Variants in IMMP2L observed in about 807,000 individuals in gnomAD.
IMMP2L encodes the protein inner mitochondrial membrane peptidase subunit 2.
Under a neutral mutation model 19.3 loss-of-function variants are expected in IMMP2L, and 18 were observed. That is an observed-to-expected ratio of 0.93 (90% CI 0.64 to 1.38). IMMP2L has a LOEUF of 1.38. Among genes scored for constraint, IMMP2L ranks in the 40% most tolerant of loss-of-function variants. The pLI is 0.00. For synonymous variants in IMMP2L, 76 were observed against 73.0 expected (o/e 1.04, Z -0.21); for missense variants, 233 against 218.2 (o/e 1.07, Z -0.43).
At chr7:111,325,888 C>T (rs1825269880) in intron 3 of IMMP2L, among the ~76,000 whole-genome samples, 1 of 151,512 alleles carries the variant, frequency 6.6e-6, no homozygotes. Flanking sequence ...GAGGTTGAAC[C>T]CCTCATGAAA....
chr7:111,239,626 A>G (rs1814760486), intron 3 of IMMP2L, among the ~76,000 whole-genome samples: 1 of 151,926 alleles, frequency 6.6e-6, no homozygotes, highest in Admixed American at 6.6e-5. Flanking sequence ...ATTCTTTGTA[A>G]TCTCTTTATC....
At chr7:111,294,140 G>A (rs1347034887) in intron 3 of IMMP2L, among the ~76,000 whole-genome samples, 1 of 151,866 alleles carries the variant, frequency 6.6e-6, no homozygotes, top group Non-Finnish European at 1.5e-5. Context: ...CTTTACAGAT[G>A]AAGAAACTTA....
intron 3 of IMMP2L, among the ~76,000 whole-genome samples, chr7:111,420,531 T>C (rs1264729006): frequency 6.6e-6 from 1 of 151,662 alleles, no homozygotes; most frequent in African/African-American, 2.4e-5. Context: ...ACATTAGGTA[T>C]TTCTCCTAAC....
At chr7:111,522,175 T>C (rs1407486559) in intron 1 of IMMP2L, among the ~76,000 whole-genome samples, 1 of 152,104 alleles carries the variant, frequency 6.6e-6, no homozygotes. Flanking sequence ...GCGCTGTTTG[T>C]GGTGGCAGTG....
At chr7:110,962,871 T>G (rs1819113579) in intron 4 of IMMP2L, 1 of 1,319,104 alleles carries the variant, frequency 7.6e-7, no homozygotes, top group South Asian at 2.4e-5. Flanking sequence ...TGGCTACAAC[T>G]TGTTTAAAGA....
chr7:111,255,770 T>C (rs1816629825), intron 3 of IMMP2L, among the ~76,000 whole-genome samples: 1 of 152,042 alleles, frequency 6.6e-6, no homozygotes, highest in African/African-American at 2.4e-5. Flanking sequence ...TAACACAAGC[T>C]TTCTTGGAAC....
intron 5 of IMMP2L, among the ~76,000 whole-genome samples, chr7:110,753,264 A>G (rs1217940378): frequency 6.6e-6 from 1 of 152,058 alleles, no homozygotes; most frequent in Non-Finnish European, 1.5e-5. Flanking sequence ...CTACTTAAAT[A>G]GAAGACTCTA....
chr7:111,127,553 A>G (rs539654726), intron 3 of IMMP2L, among the ~76,000 whole-genome samples: 1 of 152,288 alleles, frequency 6.6e-6, no homozygotes, highest in South Asian at 2.1e-4. Context: ...TTAAATTTTA[A>G]TATAAATTTC....
At chr7:111,220,717 A>G (rs748135239) in intron 3 of IMMP2L, among the ~76,000 whole-genome samples, 2 of 151,954 alleles carry the variant, frequency 1.3e-5, no homozygotes, top group African/African-American at 2.4e-5. Context: ...TCATGGAAGT[A>G]AAGTCCCATA....
At chr7:111,415,774 C>T (rs1399015047) in intron 3 of IMMP2L, among the ~76,000 whole-genome samples, 1 of 151,532 alleles carries the variant, frequency 6.6e-6, no homozygotes, top group Non-Finnish European at 1.5e-5. Flanking sequence ...ATAAAATTCT[C>T]AATTTCAAAG....
At chr7:110,919,514 G>T (rs1408009752) in intron 4 of IMMP2L, among the ~76,000 whole-genome samples, 1 of 152,138 alleles carries the variant, frequency 6.6e-6, no homozygotes, top group East Asian at 1.9e-4. Flanking sequence ...ATGGAGCAAT[G>T]CGGGTATGCT....
intron 3 of IMMP2L, among the ~76,000 whole-genome samples, chr7:111,142,021 C>A (rs1448412577): frequency 1.3e-5 from 2 of 152,064 alleles, no homozygotes; most frequent in African/African-American, 4.8e-5. Flanking sequence ...TTCAATTTTG[C>A]ATACATGAAA....
chr7:111,192,954 T>G (rs1227919991), intron 3 of IMMP2L, among the ~76,000 whole-genome samples: 1 of 150,742 alleles, frequency 6.6e-6, no homozygotes, highest in Non-Finnish European at 1.5e-5. Flanking sequence ...CTGAGGAGAG[T>G]TTGAGTTGGG....
intron 3 of IMMP2L, among the ~76,000 whole-genome samples, chr7:111,008,856 G>T (rs1824598507): frequency 6.6e-6 from 1 of 152,046 alleles, no homozygotes; most frequent in South Asian, 2.1e-4. Flanking sequence ...GAGTTATAAA[G>T]AATGAATTAG....
intron 3 of IMMP2L, among the ~76,000 whole-genome samples, chr7:111,369,747 A>T (rs1428148420): frequency 6.6e-6 from 1 of 151,994 alleles, no homozygotes. Context: ...AAAAGCAATG[A>T]GACTTTGTTC....
chr7:110,814,998 TACA>T lies in IMMP2L; in HGVS notation c.408+71592_408+71594del, dbSNP rs1416873709. Among the ~76,000 whole-genome samples the T allele has an allele frequency of 3.3e-5, 5 of 151,966 alleles. No homozygotes were observed. In the South Asian group the frequency reaches 1.0e-3, roughly 31 times the overall value. ...CAAGCCTCGTAAAACCACACTGAAC[TACA>T]ACGTCTTAACTGTGAGATGCCGAGA... is the stretch of plus-strand genomic sequence containing the variant. On this transcript the variant is annotated intron_variant, in intron 5 of 5. Coordinates refer to ENST00000405709, the MANE Select transcript of IMMP2L (RefSeq NM_032549.4).
intron 4 of IMMP2L, among the ~76,000 whole-genome samples, chr7:110,940,017 G>A (rs1237367686): frequency 6.6e-6 from 1 of 152,106 alleles, no homozygotes; most frequent in African/African-American, 2.4e-5. Flanking sequence ...AGATATCACA[G>A]TGGGATAACC....
At chr7:111,104,265 T>C (rs956599659) in intron 3 of IMMP2L, among the ~76,000 whole-genome samples, 1 of 151,716 alleles carries the variant, frequency 6.6e-6, no homozygotes, top group Non-Finnish European at 1.5e-5. Flanking sequence ...AGTCATATGA[T>C]TTTCCTTCTC....
chr7:110,910,986 G>GA (rs1813001834), intron 4 of IMMP2L, among the ~76,000 whole-genome samples: 1 of 152,002 alleles, frequency 6.6e-6, no homozygotes, highest in African/African-American at 2.4e-5. Flanking sequence ...CAGGATGTGG[G>GA]AAAAACCAAG....
Sources: allele counts gnomAD v4.1 joint callset (sites outside exome capture counted in the v4.1 genomes callset), GRCh38; gene constraint gnomAD v4.1.1; transcripts MANE v1.5; gene names NCBI Gene and HGNC (gene_info 2026-07-23, HGNC 2026-07-21).